Variants in WSCD2 observed in about 807,000 individuals in gnomAD.
WSCD2 encodes the protein sialate:O-sulfotransferase 2.
Under a neutral mutation model 55.7 loss-of-function variants are expected in WSCD2, and 28 were observed. The ratio of observed to expected loss-of-function variants is 0.50; its 90% CI spans 0.37 to 0.69. WSCD2 has a LOEUF of 0.69. WSCD2 is among the 30% of genes least tolerant of loss of function. WSCD2 has a pLI of 0.00. For synonymous variants in WSCD2, 301 were observed against 301.9 expected (o/e 1.00, Z 0.03); for missense variants, 616 against 762.1 (o/e 0.81, Z 2.26).
chr12:108,168,759 C>G (rs1031031532), intron 1 of WSCD2, among the ~76,000 whole-genome samples: 1 of 152,240 alleles, frequency 6.6e-6, no homozygotes. Context: ...TGACATAAAA[C>G]TTCTCCCTTA....
At chr12:108,236,797 C>T (rs1484900348) in intron 7 of WSCD2, among the ~76,000 whole-genome samples, 1 of 152,146 alleles carries the variant, frequency 6.6e-6, no homozygotes, top group Non-Finnish European at 1.5e-5. Context: ...CAGTCCCTCC[C>T]TCTCTCCAGG....
intron 1 of WSCD2, among the ~76,000 whole-genome samples, chr12:108,157,507 A>G (rs983741468): frequency 6.6e-6 from 1 of 152,206 alleles, no homozygotes; most frequent in Non-Finnish European, 1.5e-5. Flanking sequence ...GCTGCTAGCA[A>G]TGACTGATCT....
chr12:108,177,894 G>T (rs1005543936), intron 1 of WSCD2, among the ~76,000 whole-genome samples: 9 of 152,120 alleles, frequency 5.9e-5, no homozygotes, highest in Non-Finnish European at 1.0e-4. Context: ...AATGTTCAGA[G>T]TCTTGATCTG....
chr12:108,152,527 G>A (rs971883644), intron 1 of WSCD2, among the ~76,000 whole-genome samples: 1 of 152,248 alleles, frequency 6.6e-6, no homozygotes. Flanking sequence ...TTTTCAGGGT[G>A]AGCCACATTA....
chr12:108,141,895 A>C (rs1876858005), intron 1 of WSCD2, among the ~76,000 whole-genome samples: 1 of 152,278 alleles, frequency 6.6e-6, no homozygotes, highest in South Asian at 2.1e-4. Flanking sequence ...AAGAAGAAGA[A>C]AGGCCTCCAA....
In WSCD2 at chr12:108,206,537, G is replaced by A. The variant is rs1885400081; in HGVS notation, c.497+134G>A. 7.5e-6 allele frequency: 6 copies of A among 797,952 alleles called. No individual in the cohort carries two copies. The East Asian group carries it at 1.6e-4, about 21-fold the overall frequency. The allele number at this position is 797,952 out of a possible 1,614,324, so 49.4% of individuals were successfully genotyped here. A position where few individuals can be genotyped will look rare whatever the true frequency, so the allele number is the denominator to read the frequency against. On this transcript the variant is annotated intron_variant, in intron 3 of 8. Transcript: ENST00000547525. ...GTGACCACAGGAAAGGTTGACGCAA[G>A]GGTGTGTGTGCATTGTGTGTATGTG... is the stretch of plus-strand genomic sequence containing the variant.
At chr12:108,178,523 T>C (rs1046526583) in intron 1 of WSCD2, among the ~76,000 whole-genome samples, 6 of 152,206 alleles carry the variant, frequency 3.9e-5, no homozygotes, top group African/African-American at 1.4e-4. Context: ...GTCACACACA[T>C]CTGTCAAGAT....
chr12:108,208,045 C>T (rs1885640519), intron 3 of WSCD2, among the ~76,000 whole-genome samples: 1 of 152,164 alleles, frequency 6.6e-6, no homozygotes, highest in African/African-American at 2.4e-5. Flanking sequence ...GAGAAGGTGT[C>T]AGCCAAGATA....
At chr12:108,130,636 A>G (rs1048853993) in intron 1 of WSCD2, among the ~76,000 whole-genome samples, 1 of 152,030 alleles carries the variant, frequency 6.6e-6, no homozygotes, top group Non-Finnish European at 1.5e-5. Context: ...CCTTGGCAGA[A>G]CCACTAGGAA....
chr12:108,195,778 C>T lies in WSCD2; in HGVS notation c.-55C>T. On this transcript the variant is annotated 5_prime_UTR_variant, in exon 2 of 9. Transcript: ENST00000547525. Reference sequence around the variant, plus strand: ...GCTTGGGAAACCAAGCCCCTTCCATCCTCTCCCAAGCACCCCAGCCAAGCC... The same window carrying T: ...GCTTGGGAAACCAAGCCCCTTCCATTCTCTCCCAAGCACCCCAGCCAAGCC... 3.2e-6 allele frequency: 5 copies of T among 1,542,302 alleles called. No homozygotes were observed. In the South Asian group the frequency reaches 3.8e-5, roughly 12 times the overall value.
intron 8 of WSCD2, among the ~76,000 whole-genome samples, chr12:108,241,334 T>G (rs1339180860): frequency 1.3e-5 from 2 of 152,206 alleles, no homozygotes; most frequent in African/African-American, 4.8e-5. Flanking sequence ...GGCCAGAGCT[T>G]TGAAGTCAGA....
At chr12:108,221,885 T>C (rs750248327) in intron 4 of WSCD2, among the ~76,000 whole-genome samples, 1 of 152,196 alleles carries the variant, frequency 6.6e-6, no homozygotes, top group East Asian at 1.9e-4. Context: ...CCACTACCAC[T>C]GCCACCTGTC....
At chr12:108,234,954 C>T (rs1201954980) in intron 7 of WSCD2, among the ~76,000 whole-genome samples, 1 of 152,056 alleles carries the variant, frequency 6.6e-6, no homozygotes, top group Non-Finnish European at 1.5e-5. Context: ...CTAGTAGTGA[C>T]GCCTGTTGAA....
chr12:108,180,458 G>A (rs1221163376), intron 1 of WSCD2, among the ~76,000 whole-genome samples: 2 of 152,258 alleles, frequency 1.3e-5, no homozygotes, highest in African/African-American at 4.8e-5. Flanking sequence ...GGCCAGGCCC[G>A]TGGGACAAAC....
chr12:108,197,939 T>C (rs1884142138), intron 2 of WSCD2, among the ~76,000 whole-genome samples: 1 of 148,962 alleles, frequency 6.7e-6, no homozygotes, highest in South Asian at 2.3e-4. Flanking sequence ...CTATCTGGGA[T>C]GCCGTCTCCC....
chr12:108,196,436 G>A (rs1684692800), intron 2 of WSCD2: 1 of 647,792 alleles, frequency 1.5e-6, no homozygotes, highest in Non-Finnish European at 2.4e-6. Flanking sequence ...TTGTCAAGAG[G>A]CAAGTTTGGA....
chr12:108,162,888 A>C (rs1696895585), intron 1 of WSCD2, among the ~76,000 whole-genome samples: 1 of 152,152 alleles, frequency 6.6e-6, no homozygotes, highest in African/African-American at 2.4e-5. Flanking sequence ...ATATCACTAC[A>C]TGCACAGGCT....
At chr12:108,239,687 C>T (rs2137225337) in intron 7 of WSCD2, among the ~76,000 whole-genome samples, 1 of 152,256 alleles carries the variant, frequency 6.6e-6, no homozygotes, top group East Asian at 1.9e-4. Context: ...TGTCTGGCCC[C>T]TCTCACAGCA....
chr12:108,148,776 C>T (rs1369189123), intron 1 of WSCD2, among the ~76,000 whole-genome samples: 4 of 152,232 alleles, frequency 2.6e-5, no homozygotes, highest in Non-Finnish European at 4.4e-5. Context: ...TGCCAGAAAC[C>T]GGGCTAAACA....
Sources: gnomAD v4.1 joint callset for allele counts (sites outside exome capture counted in the v4.1 genomes callset) on GRCh38, gnomAD v4.1.1 for gene constraint, MANE v1.5 for transcripts, NCBI Gene and HGNC (gene_info 2026-07-23, HGNC 2026-07-21) for gene names.